The following SNTB2 variants were observed in gnomAD, a reference collection of about 807,000 sequenced individuals.
SNTB2 encodes syntrophin beta 2, also known as beta-2-syntrophin.
Under a neutral mutation model 46.2 loss-of-function variants are expected in SNTB2, and 34 were observed. The ratio of observed to expected loss-of-function variants is 0.74; its 90% CI spans 0.56 to 0.98. SNTB2 has a LOEUF of 0.98. Among genes scored for constraint, SNTB2 ranks in the 50% least tolerant of loss-of-function variants. SNTB2 has a pLI of 0.00. For missense variants in SNTB2, 603 were observed against 731.4 expected, an observed-to-expected ratio of 0.82 and a Z score of 2.02; for synonymous variants, 290 against 312.6, an observed-to-expected ratio of 0.93 and a Z score of 0.76.
rs200407983 is a variant in SNTB2 at position 69,267,260 on chromosome 16, G to T, written c.1006-2883G>T. Among the ~76,000 whole-genome samples, 9 of 152,062 alleles carry T rather than the reference G, an allele frequency of 5.9e-5. No individual in the cohort carries two copies. The East Asian group carries it at 1.7e-3, about 29-fold the overall frequency. On this transcript the variant is annotated intron_variant, in intron 3 of 6. Transcript: ENST00000336278. ...TCTTGATCTCCTGATCTCTTCATCCGCCTGACTTGGCCTCCCCAAGTGTTG... is the reference window on the plus strand; with the variant it reads ...TCTTGATCTCCTGATCTCTTCATCCTCCTGACTTGGCCTCCCCAAGTGTTG...
At chr16:69,231,064 C>T (rs903552298) in intron 1 of SNTB2, 1 of 152,212 alleles carries the variant, frequency 6.6e-6, no homozygotes, top group African/African-American at 2.4e-5. Flanking sequence ...CTTATGCAAA[C>T]TGCCTTTCTC....
intron 2 of SNTB2, among the ~76,000 whole-genome samples, chr16:69,259,579 T>G (rs1327876518): frequency 6.8e-6 from 1 of 147,882 alleles, no homozygotes; most frequent in East Asian, 2.0e-4. Flanking sequence ...GGAACTGGAC[T>G]CTAGGGAATT....
chr16:69,192,557 A>G (rs1280232037), intron 1 of SNTB2, among the ~76,000 whole-genome samples: 1 of 152,252 alleles, frequency 6.6e-6, no homozygotes, highest in African/African-American at 2.4e-5. Flanking sequence ...ACATGGAATG[A>G]GAACATATTC....
intron 1 of SNTB2, among the ~76,000 whole-genome samples, chr16:69,192,239 T>C (rs988966933): frequency 2.0e-5 from 3 of 152,038 alleles, no homozygotes; most frequent in African/African-American, 7.2e-5. Flanking sequence ...GCAGTGGGAA[T>C]AGAGAGGAGG....
chr16:69,264,738 G>A (rs562010214), intron 3 of SNTB2, among the ~76,000 whole-genome samples: 37 of 152,268 alleles, frequency 2.4e-4, no homozygotes, highest in Non-Finnish European at 4.1e-4. Flanking sequence ...AGAAGAAACT[G>A]AAGAAGTAGA....
chr16:69,290,717 C>T (rs139856063), intron 5 of SNTB2, among the ~76,000 whole-genome samples: 69 of 152,244 alleles, frequency 4.5e-4, no homozygotes, highest in Admixed American at 1.2e-3. Flanking sequence ...AGGTATGTAT[C>T]AGGATTGTCA....
At position 69,261,688 on chromosome 16, in the gene SNTB2, C is replaced by T. The variant is rs75348428; in HGVS notation, c.1005+1428C>T. ...TATATTTTATATGCTAGTTGAAAAA[C>T]TGAATTGAATAGTAATTGTTCTGTG... On this transcript the variant is annotated intron_variant, in intron 3 of 6. Transcript: ENST00000336278. Among the ~76,000 whole-genome samples the T allele has an allele frequency of 1.1e-4, 16 of 152,116 alleles. No individual in the cohort carries two copies. In the East Asian group the frequency reaches 2.9e-3, roughly 28 times the overall value.
intron 5 of SNTB2, among the ~76,000 whole-genome samples, chr16:69,284,473 A>G (rs1216079619): frequency 8.2e-5 from 12 of 147,238 alleles, no homozygotes; most frequent in African/African-American, 3.0e-4. Context: ...AAAAAAAAAA[A>G]AAAAAAAAAA....
chr16:69,200,035 C>T (rs1467518174), intron 1 of SNTB2, among the ~76,000 whole-genome samples: 1 of 152,096 alleles, frequency 6.6e-6, no homozygotes, highest in Admixed American at 6.6e-5. Context: ...CTGCCGCAGC[C>T]TCTTGAGTAG....
intron 4 of SNTB2, among the ~76,000 whole-genome samples, chr16:69,282,165 A>G (rs1965055802): frequency 6.7e-6 from 1 of 149,232 alleles, no homozygotes; most frequent in East Asian, 2.1e-4. Context: ...TTGGCCTCCC[A>G]AAGTGCTGGA....
chr16:69,257,195 T>G (rs984238457), intron 2 of SNTB2, among the ~76,000 whole-genome samples: 3 of 150,774 alleles, frequency 2.0e-5, no homozygotes, highest in Admixed American at 6.6e-5. Flanking sequence ...AAGTTACCAA[T>G]TAATATTCAG....
At chr16:69,262,923 G>C (rs1322327509) in intron 3 of SNTB2, among the ~76,000 whole-genome samples, 2 of 151,910 alleles carry the variant, frequency 1.3e-5, no homozygotes, top group Non-Finnish European at 2.9e-5. Context: ...TCATCCACCC[G>C]CCTCAGCCTC....
intron 3 of SNTB2, among the ~76,000 whole-genome samples, chr16:69,266,344 A>G (rs1243200552): frequency 1.3e-5 from 2 of 152,368 alleles, no homozygotes; most frequent in South Asian, 2.1e-4. Flanking sequence ...AGCCTGGGCA[A>G]CAGAGTGAGA....
intron 2 of SNTB2, among the ~76,000 whole-genome samples, chr16:69,250,757 T>C (rs1239658213): frequency 1.3e-5 from 2 of 151,800 alleles, no homozygotes; most frequent in East Asian, 3.9e-4. Flanking sequence ...ACACCTGTAA[T>C]CCCAGCTACT....
Position 69,298,639 on chromosome 16 carries a change from A to G in SNTB2, c.1346-951A>G, listed in dbSNP as rs1213326027. ...CAGGTGCAAGCAGTTATCCTGCCTC[A>G]GCCTCCCAAGTAGCTGGGATTACAG... On this transcript the variant is annotated intron_variant, in intron 5 of 6. Coordinates refer to ENST00000336278, the MANE Select transcript of SNTB2 (RefSeq NM_006750.4). Among the ~76,000 whole-genome samples the G allele has an allele frequency of 2.0e-5, 3 of 147,056 alleles. No homozygotes were observed. In the Admixed American group the frequency reaches 2.1e-4, roughly 10 times the overall value.
chr16:69,240,491 T>A (rs1379735236), intron 1 of SNTB2: 1 of 152,234 alleles, frequency 6.6e-6, no homozygotes, highest in East Asian at 1.9e-4. Context: ...GAGCTTGGGA[T>A]GAGGTTGGAG....
chr16:69,197,605 T>C (rs1964117391), intron 1 of SNTB2, among the ~76,000 whole-genome samples: 2 of 152,264 alleles, frequency 1.3e-5, no homozygotes, highest in Non-Finnish European at 2.9e-5. Context: ...GCTTTTACTT[T>C]TGATATATTA....
chr16:69,263,477 G>A (rs1444921723), intron 3 of SNTB2, among the ~76,000 whole-genome samples: 1 of 150,210 alleles, frequency 6.7e-6, no homozygotes, highest in Non-Finnish European at 1.5e-5. Context: ...GGGGTGCAAT[G>A]ATACAATCTT....
At position 69,304,704 on chromosome 16, in the gene SNTB2, C is replaced by A. The variant is rs1311184857; in HGVS notation, c.*3780C>A. On this transcript the variant is annotated 3_prime_UTR_variant, in exon 7 of 7. Transcript: ENST00000336278. ...TTTGAGACAGGTTCTCACTCTGTCACCGAGGTTGGAGTGCAGTGGTATGAT... is the reference window on the plus strand; with the variant it reads ...TTTGAGACAGGTTCTCACTCTGTCAACGAGGTTGGAGTGCAGTGGTATGAT... 4 of 151,710 alleles carry A rather than the reference C, an allele frequency of 2.6e-5. No homozygotes were observed. Among genetic ancestry groups the A allele is most frequent in the African/African-American group, 9.7e-5 (4 of 41,288 alleles). 9.4% of individuals were successfully genotyped at this position (151,710 alleles called of 1,614,324 possible).
Sources: gnomAD v4.1 joint callset for allele counts (sites outside exome capture counted in the v4.1 genomes callset) on GRCh38, gnomAD v4.1.1 for gene constraint, MANE v1.5 for transcripts, NCBI Gene and HGNC (gene_info 2026-07-23, HGNC 2026-07-21) for gene names.